Variants in WDR70 observed in about 807,000 individuals in gnomAD.
WDR70 encodes WD repeat-containing protein 70.
WDR70 carries 53 observed loss-of-function variants against 88.6 expected under a neutral mutation model. That is an observed-to-expected ratio of 0.60 (90% CI 0.48 to 0.75). WDR70 has a LOEUF of 0.75. Ranked by LOEUF, WDR70 falls within the 30% of genes least tolerant of loss-of-function variation. The pLI is 0.00. For missense variants in WDR70, 610 were observed against 823.2 expected, an observed-to-expected ratio of 0.74 and a Z score of 3.17; for synonymous variants, 280 against 270.0, an observed-to-expected ratio of 1.04 and a Z score of -0.36.
At chr5:37,697,392 T>C (rs1305801087) in intron 10 of WDR70, among the ~76,000 whole-genome samples, 2 of 152,228 alleles carry the variant, frequency 1.3e-5, no homozygotes, top group African/African-American at 4.8e-5. Context: ...AGTCTTGTCT[T>C]GTATAGAGCT....
intron 17 of WDR70, among the ~76,000 whole-genome samples, chr5:37,749,563 G>GA (rs143036728): frequency 0.062 from 9,389 of 150,806 alleles, 942 homozygotes; most frequent in African/African-American, 0.21. Context: ...TTTTTAAGAA[G>GA]AAAAAAAATA....
intron 10 of WDR70, among the ~76,000 whole-genome samples, chr5:37,674,281 G>A (rs1746128953): frequency 6.6e-6 from 1 of 151,658 alleles, no homozygotes; most frequent in Non-Finnish European, 1.5e-5. Context: ...TGTGCACAAT[G>A]TGCAGGTTAG....
At chr5:37,421,421 G>T (rs114040213) in intron 5 of WDR70, among the ~76,000 whole-genome samples, 2 of 152,176 alleles carry the variant, frequency 1.3e-5, no homozygotes, top group African/African-American at 4.8e-5. Context: ...AAGCTGTGAC[G>T]CTTGTAAGGT....
chr5:37,431,779 C>G (rs1299274887), intron 5 of WDR70, among the ~76,000 whole-genome samples: 1 of 152,178 alleles, frequency 6.6e-6, no homozygotes, highest in Non-Finnish European at 1.5e-5. Context: ...TCGGACTGCT[C>G]TAGCACATAT....
intron 4 of WDR70, among the ~76,000 whole-genome samples, chr5:37,392,507 G>A (rs993272196): frequency 2.6e-5 from 4 of 151,682 alleles, no homozygotes; most frequent in Non-Finnish European, 4.4e-5. Context: ...GCACTACCAC[G>A]GCCGGCTAAT....
chr5:37,492,668 T>C (rs1740101116), intron 8 of WDR70, among the ~76,000 whole-genome samples: 1 of 152,146 alleles, frequency 6.6e-6, no homozygotes, highest in African/African-American at 2.4e-5. Context: ...AACTTGTGAA[T>C]GATGAATTTG....
At chr5:37,714,675 C>T (rs1288356591) in intron 13 of WDR70, among the ~76,000 whole-genome samples, 1 of 152,106 alleles carries the variant, frequency 6.6e-6, no homozygotes, top group Admixed American at 6.5e-5. Flanking sequence ...GGGTCATTTG[C>T]CTTGCAGGAC....
At chr5:37,702,752 G>A (rs1307357172) in intron 12 of WDR70, among the ~76,000 whole-genome samples, 197 bp from the exon 13 acceptor site, 1 of 152,104 alleles carries the variant, frequency 6.6e-6, no homozygotes, top group Non-Finnish European at 1.5e-5. Context: ...ATTTTCTTCA[G>A]TTCCCTCATC....
intron 10 of WDR70, among the ~76,000 whole-genome samples, chr5:37,661,745 T>C (rs1040122866): frequency 6.6e-6 from 1 of 152,076 alleles, no homozygotes; most frequent in African/African-American, 2.4e-5. Context: ...CCAGTCTGGG[T>C]CGTGTTAGCT....
chr5:37,430,457 C>G (rs1188669150), intron 5 of WDR70, among the ~76,000 whole-genome samples: 1 of 152,190 alleles, frequency 6.6e-6, no homozygotes, highest in Non-Finnish European at 1.5e-5. Context: ...AAATGAAAGA[C>G]TAGTGTATTG....
Position 37,532,737 on chromosome 5 carries a change from C to T in WDR70, c.917+16147C>T, listed in dbSNP as rs573836063. 5.9e-5 allele frequency among the ~76,000 whole-genome samples: 9 copies of T among 152,162 alleles called. No homozygotes were observed. The South Asian group carries it at 1.2e-3, about 21-fold the overall frequency. On this transcript the variant is annotated intron_variant, in intron 9 of 17. Transcript: ENST00000265107. ...TTGACTCCGTGATTCGCTTAATAAT[C>T]GACCTTCTAAATTCTTTTTCTGGCA...
Position 37,379,438 on chromosome 5 carries a change from G to T in WDR70, c.25+46G>T, listed in dbSNP as rs552178739. 26 of 1,613,758 alleles carry T rather than the reference G, an allele frequency of 1.6e-5. No homozygotes were observed. In the South Asian group the frequency reaches 2.7e-4, roughly 17 times the overall value. ...CCGGGCGGGGTGGGCCGTGTCGGGG[G>T]AGCTGGGGCGCCGCACTAACTAGGC... On this transcript the variant is annotated intron_variant, in intron 1 of 17. Coordinates refer to ENST00000265107, the MANE Select transcript of WDR70 (RefSeq NM_018034.4).
chr5:37,554,868 A>G (rs1742254070), intron 9 of WDR70, among the ~76,000 whole-genome samples: 1 of 152,104 alleles, frequency 6.6e-6, no homozygotes, highest in Non-Finnish European at 1.5e-5. Context: ...TCTGTGTCTT[A>G]GTTACAGATT....
At chr5:37,741,840 A>G (rs1229695632) in intron 17 of WDR70, among the ~76,000 whole-genome samples, 1 of 152,174 alleles carries the variant, frequency 6.6e-6, no homozygotes, top group South Asian at 2.1e-4. Context: ...TAGGTACCTC[A>G]TATAAGCGGA....
chr5:37,705,640 TAA>T (rs200037162), intron 13 of WDR70, among the ~76,000 whole-genome samples: 42 of 144,060 alleles, frequency 2.9e-4, no homozygotes, highest in African/African-American at 9.1e-4. Context: ...TCTTGGAATG[TAA>T]AAAAAAAAAA....
chr5:37,505,706 C>G, intron 8 of WDR70: 1 of 1,012,960 alleles, frequency 9.9e-7, no homozygotes, highest in Admixed American at 1.7e-5. Context: ...CATTTTGCGA[C>G]ATGTATAGTG....
At chr5:37,690,755 A>G (rs1746767299) in intron 10 of WDR70, among the ~76,000 whole-genome samples, 1 of 152,258 alleles carries the variant, frequency 6.6e-6, no homozygotes, top group Non-Finnish European at 1.5e-5. Context: ...TTGCAAAAAC[A>G]TGCCAAATTG....
chr5:37,595,312 C>G (rs1743668991), intron 9 of WDR70, among the ~76,000 whole-genome samples: 1 of 152,068 alleles, frequency 6.6e-6, no homozygotes, highest in South Asian at 2.1e-4. Flanking sequence ...TGACTAGCAA[C>G]AAACAATTGT....
chr5:37,379,673 C>G, intron 2 of WDR70, 119 bp downstream of exon 2: 5 of 1,091,228 alleles, frequency 4.6e-6, no homozygotes, highest in Non-Finnish European at 6.9e-6. Flanking sequence ...GCATACCTTG[C>G]AGTTTGTCAA....
Sources: allele counts gnomAD v4.1 joint callset (sites outside exome capture counted in the v4.1 genomes callset), GRCh38; gene constraint gnomAD v4.1.1; transcripts MANE v1.5; gene names NCBI Gene and HGNC (gene_info 2026-07-23, HGNC 2026-07-21).